Variants in SLC36A1 observed in about 807,000 individuals in gnomAD.
The protein encoded by SLC36A1 is solute carrier family 36 member 1.
A neutral mutation model predicts 47.5 loss-of-function variants in SLC36A1; 30 were observed. The ratio of observed to expected loss-of-function variants is 0.63; its 90% CI spans 0.47 to 0.86. The LOEUF is 0.86. SLC36A1 is among the 40% of genes least tolerant of loss of function. The pLI, the probability that SLC36A1 is intolerant of heterozygous loss-of-function variation, is 0.00. For missense variants in SLC36A1, 517 were observed against 606.0 expected (o/e 0.85, Z 1.54); for synonymous variants, 255 against 249.7 (o/e 1.02, Z -0.20).
At chr5:151,535,751 C>T in the SLC36A1 span, among the ~76,000 whole-genome samples, 9 of 152,120 alleles carry the variant, frequency 5.9e-5, no homozygotes, top group Non-Finnish European at 1.2e-4. Context: ...GGGGTAGAGT[C>T]TTGTGGACAG....
chr5:151,392,294 C>T, the SLC36A1 span, among the ~76,000 whole-genome samples: 75,153 of 151,580 alleles, frequency 0.5, 20,559 homozygotes, highest in African/African-American at 0.75. Flanking sequence ...TTCTCCTTTT[C>T]ATCTTTATTA....
chr5:151,538,874 C>T, the SLC36A1 span, among the ~76,000 whole-genome samples: 144 of 150,832 alleles, frequency 9.5e-4, 1 homozygote, highest in African/African-American at 3.3e-3. Context: ...TTAGTAGAGA[C>T]GGGGTTTCAC....
At chr5:151,454,045 A>AG (rs1195184412) in intron 1 of SLC36A1, among the ~76,000 whole-genome samples, 1 of 151,402 alleles carries the variant, frequency 6.6e-6, no homozygotes, top group Non-Finnish European at 1.5e-5. Context: ...TAGTTACATA[A>AG]GGAAAAAAAA....
the SLC36A1 span, among the ~76,000 whole-genome samples, chr5:151,506,542 A>AG: frequency 6.6e-6 from 1 of 152,374 alleles, no homozygotes; most frequent in Admixed American, 6.5e-5. Context: ...TCAGGAGACC[A>AG]GGAGCCCTTG....
chr5:151,463,386 C>T (rs1755850785), intron 2 of SLC36A1, among the ~76,000 whole-genome samples, 167 bp from the exon 3 acceptor site: 1 of 152,206 alleles, frequency 6.6e-6, no homozygotes, highest in East Asian at 1.9e-4. Context: ...AATCCTGCCC[C>T]AGCCCTTTAC....
intron 7 of SLC36A1, among the ~76,000 whole-genome samples, chr5:151,472,131 A>T (rs1425904496): frequency 6.6e-6 from 1 of 152,236 alleles, no homozygotes; most frequent in East Asian, 1.9e-4. Context: ...TTTATTAAGG[A>T]ATATTAACTC....
At chr5:151,397,764 CAAAA>C in the SLC36A1 span, among the ~76,000 whole-genome samples, 1 of 44,338 alleles carries the variant, frequency 2.3e-5, no homozygotes, top group Non-Finnish European at 4.1e-5. Flanking sequence ...AACTCCAACT[CAAAA>C]AAAAAAAAAA....
the SLC36A1 span, among the ~76,000 whole-genome samples, chr5:151,388,506 GA>G: frequency 0.026 from 2,683 of 104,788 alleles, 123 homozygotes; most frequent in African/African-American, 0.078. Context: ...CATCTCAAAA[GA>G]AAAAAAAAAA....
chr5:151,511,643 T>C, the SLC36A1 span: 1 of 159,688 alleles, frequency 6.3e-6, no homozygotes, highest in African/African-American at 2.4e-5. Flanking sequence ...TTAGAAGCAA[T>C]TAATGAGAAT....
At chr5:151,465,285 G>C (rs140928657) in intron 5 of SLC36A1, 116 bp downstream of exon 5, 1 of 822,834 alleles carries the variant, frequency 1.2e-6, no homozygotes, top group African/African-American at 1.7e-5. Flanking sequence ...TGGGTCAGTT[G>C]CCTTGGGCTG....
At chr5:151,446,818 C>A (rs1752951833), upstream of SLC36A1, among the ~76,000 whole-genome samples, 1 of 152,146 alleles carries the variant, frequency 6.6e-6, no homozygotes, top group Non-Finnish European at 1.5e-5. Flanking sequence ...TTCATTATTT[C>A]CTTATTTTCT....
At chr5:151,500,549 G>A in the SLC36A1 span, among the ~76,000 whole-genome samples, 1 of 152,260 alleles carries the variant, frequency 6.6e-6, no homozygotes, top group Admixed American at 6.5e-5. Flanking sequence ...TGTATTTTTA[G>A]TAGAGACGGG....
At chr5:151,494,364 G>C (rs750781100), downstream of SLC36A1, among the ~76,000 whole-genome samples, 1 of 152,154 alleles carries the variant, frequency 6.6e-6, no homozygotes, top group Non-Finnish European at 1.5e-5. Flanking sequence ...AGTTCAATGT[G>C]TTTTGCATAC....
At chr5:151,507,025 C>T in the SLC36A1 span, 6 of 767,844 alleles carry the variant, frequency 7.8e-6, no homozygotes, top group African/African-American at 1.7e-5. Flanking sequence ...GAACACATCT[C>T]ATCATGTCCC....
the SLC36A1 span, among the ~76,000 whole-genome samples, chr5:151,534,978 T>TATATATATAC: frequency 1.0e-4 from 14 of 138,776 alleles, 4 homozygotes; most frequent in East Asian, 3.1e-3. Context: ...AAAATATATA[T>TATATATATAC]ATATATATAT....
chr5:151,531,084 G>C, the SLC36A1 span, among the ~76,000 whole-genome samples: 1 of 152,148 alleles, frequency 6.6e-6, no homozygotes, highest in African/African-American at 2.4e-5. This position sits in a 1 kb window ranked among gnomAD's most constrained non-coding sequence, Gnocchi z 5.7. Flanking sequence ...GTGGCTAGTA[G>C]GAAAGAAGTG....
At chr5:151,460,012 T>C (rs1319993854) in intron 2 of SLC36A1, 1 of 152,272 alleles carries the variant, frequency 6.6e-6, no homozygotes, top group Non-Finnish European at 1.5e-5. Flanking sequence ...GTAGCTTATT[T>C]CTCAGGGGTA....
chr5:151,531,443 G>C, the SLC36A1 span: 1 of 1,173,820 alleles, frequency 8.5e-7, no homozygotes. The surrounding 1 kb of genome is among the most constrained non-coding windows in gnomAD (Gnocchi z 5.7). Flanking sequence ...TACTCGGAGA[G>C]AAGCAGAAGA....
At chr5:151,492,400 T>C (rs1389930836), downstream of SLC36A1, 1 of 151,648 alleles carries the variant, frequency 6.6e-6, no homozygotes, top group Non-Finnish European at 1.5e-5. Flanking sequence ...TCTGTGTCTT[T>C]TTTTTTTTTC....
Sources: allele counts gnomAD v4.1 joint callset (sites outside exome capture counted in the v4.1 genomes callset), GRCh38; gene constraint gnomAD v4.1.1; non-coding constraint Gnocchi (gnomAD v3.1); transcripts MANE v1.5; gene names NCBI Gene and HGNC (gene_info 2026-07-23, HGNC 2026-07-21).